Variants in DLG2 observed in about 807,000 individuals in gnomAD.
The protein encoded by DLG2 is disks large homolog 2.
Under a neutral mutation model 132.5 loss-of-function variants are expected in DLG2, and 45 were observed. The observed-to-expected ratio is 0.34, with a 90% CI of 0.27 to 0.44. DLG2 has a LOEUF of 0.44. Ranked by LOEUF, DLG2 falls within the 20% of genes least tolerant of loss-of-function variation. The probability of loss-of-function intolerance (pLI) is 1.00; values close to 1 mark genes in which losing one functional copy is unlikely to be tolerated. For synonymous variants in DLG2, 424 were observed against 419.6 expected (o/e 1.01, Z -0.13); for missense variants, 1,045 against 1,196.9 (o/e 0.87, Z 1.87).
At chr11:85,415,986 T>C (rs1037894958) in intron 3 of DLG2, among the ~76,000 whole-genome samples, 7 of 152,100 alleles carry the variant, frequency 4.6e-5, no homozygotes, top group Admixed American at 1.3e-4. Flanking sequence ...TTTTCTTCTA[T>C]GGTTTTTACG....
chr11:84,377,323 A>G (rs2098733315), intron 7 of DLG2, among the ~76,000 whole-genome samples: 1 of 152,068 alleles, frequency 6.6e-6, no homozygotes, highest in Admixed American at 6.6e-5. Context: ...CCTATTCTAG[A>G]TTAAAGGGAA....
chr11:85,431,266 G>C (rs2091163705), intron 3 of DLG2, among the ~76,000 whole-genome samples: 1 of 152,164 alleles, frequency 6.6e-6, no homozygotes, highest in African/African-American at 2.4e-5. Flanking sequence ...CCCACAGAGA[G>C]GAAGGAAGAC....
intron 6 of DLG2, among the ~76,000 whole-genome samples, chr11:84,794,421 A>G (rs544727555): frequency 6.6e-6 from 1 of 152,328 alleles, no homozygotes; most frequent in African/African-American, 2.4e-5. Context: ...AGCTGGGAAC[A>G]GGCAGAAGAC....
chr11:83,926,130 C>T (rs142112021), intron 15 of DLG2, among the ~76,000 whole-genome samples: 1 of 150,722 alleles, frequency 6.6e-6, no homozygotes, highest in African/African-American at 2.5e-5. Flanking sequence ...AACGGTCTTA[C>T]AGAAGTAAAT....
chr11:84,308,607 G>A (rs909284290), intron 7 of DLG2, among the ~76,000 whole-genome samples: 3 of 152,166 alleles, frequency 2.0e-5, no homozygotes, highest in Non-Finnish European at 1.5e-5. Context: ...AGGGGGCGGC[G>A]CTGGTAGGGG....
chr11:85,095,903 C>A (rs1309287122), intron 6 of DLG2, among the ~76,000 whole-genome samples: 1 of 152,192 alleles, frequency 6.6e-6, no homozygotes, highest in African/African-American at 2.4e-5. Context: ...CACCAGCACC[C>A]TCATTCATGC....
intron 7 of DLG2, among the ~76,000 whole-genome samples, chr11:84,410,938 AC>A (rs1289956086): frequency 6.6e-6 from 1 of 152,190 alleles, no homozygotes; most frequent in East Asian, 1.9e-4. Flanking sequence ...AAATATTGTT[AC>A]TTATTGTCTT....
intron 10 of DLG2, among the ~76,000 whole-genome samples, chr11:84,095,287 C>T (rs1005216273): frequency 1.3e-5 from 2 of 152,122 alleles, no homozygotes; most frequent in African/African-American, 4.8e-5. Flanking sequence ...ATGTGCCTGC[C>T]ATAGCTAAGG....
At chr11:83,793,605 G>T (rs2042099151) in intron 17 of DLG2, among the ~76,000 whole-genome samples, 2 of 152,108 alleles carry the variant, frequency 1.3e-5, no homozygotes, top group Admixed American at 1.3e-4. Flanking sequence ...CAAAGGATTT[G>T]CAGTTAGACA....
intron 7 of DLG2, chr11:84,272,398 C>A: frequency 2.9e-6 from 1 of 346,620 alleles, no homozygotes; most frequent in Middle Eastern, 5.9e-4. Context: ...TTTTTTAAGA[C>A]TCTTCTCTCA....
chr11:83,779,871 G>A (rs1266311431), intron 18 of DLG2, among the ~76,000 whole-genome samples: 3 of 152,112 alleles, frequency 2.0e-5, no homozygotes, highest in African/African-American at 4.8e-5. Context: ...TAATGTTAGC[G>A]ACAAAACTTT....
intron 20 of DLG2, among the ~76,000 whole-genome samples, chr11:83,537,171 A>T (rs1427372374): frequency 1.3e-5 from 2 of 152,188 alleles, no homozygotes; most frequent in Admixed American, 1.3e-4. Flanking sequence ...TGAGCAATCA[A>T]TTCTGACATT....
Position 84,408,392 on chromosome 11 carries a change from C to T in DLG2, c.519+126178G>A, listed in dbSNP as rs558765465. Among the ~76,000 whole-genome samples, 12 of 151,820 alleles carry T rather than the reference C, an allele frequency of 7.9e-5. No individual in the cohort carries two copies. The South Asian group carries it at 2.1e-3, about 26-fold the overall frequency. The stretch of plus-strand genomic sequence containing the variant: ...TAAGTTCTAGGGTACATGTGCACAA[C>T]GTGCAGATTTGTTACATATGTATAC... On this transcript the variant is annotated intron_variant, in intron 7 of 27. Transcript: ENST00000376104.
At chr11:84,713,145 G>T (rs978144269) in intron 6 of DLG2, among the ~76,000 whole-genome samples, 2 of 152,024 alleles carry the variant, frequency 1.3e-5, no homozygotes, top group African/African-American at 4.8e-5. Flanking sequence ...ATAGCTTAAA[G>T]GCACTTAAGC....
intron 9 of DLG2, among the ~76,000 whole-genome samples, chr11:84,150,365 C>G (rs1320204916): frequency 6.6e-6 from 1 of 152,142 alleles, no homozygotes; most frequent in African/African-American, 2.4e-5. Flanking sequence ...ATTTGGCTCT[C>G]AGCTTGAACA....
intron 7 of DLG2, among the ~76,000 whole-genome samples, chr11:84,421,736 T>A (rs1184023630): frequency 6.6e-6 from 1 of 152,198 alleles, no homozygotes; most frequent in Non-Finnish European, 1.5e-5. Flanking sequence ...CTAAGCAAAG[T>A]CACATCTTCC....
At chr11:84,862,003 A>G (rs1018755158) in intron 6 of DLG2, among the ~76,000 whole-genome samples, 1 of 125,836 alleles carries the variant, frequency 7.9e-6, no homozygotes, top group Non-Finnish European at 1.6e-5. Context: ...ACATGGACAC[A>G]GGAAAGGGAA....
intron 6 of DLG2, among the ~76,000 whole-genome samples, chr11:84,949,500 C>T (rs1364804105): frequency 6.7e-6 from 1 of 148,546 alleles, no homozygotes; most frequent in Non-Finnish European, 1.5e-5. Context: ...GCAGTCTCAA[C>T]CATAAGAGAC....
intron 6 of DLG2, among the ~76,000 whole-genome samples, chr11:84,930,393 G>A (rs1396030399): frequency 4.6e-5 from 7 of 152,054 alleles, no homozygotes; most frequent in Non-Finnish European, 1.0e-4. Flanking sequence ...TTCATGAACT[G>A]ACAGATTGGT....
Sources: allele counts gnomAD v4.1 joint callset (sites outside exome capture counted in the v4.1 genomes callset), GRCh38; gene constraint gnomAD v4.1.1; transcripts MANE v1.5; gene names NCBI Gene and HGNC (gene_info 2026-07-23, HGNC 2026-07-21).